MMS22L: variants seen among roughly 807,000 people sequenced by gnomAD.
MMS22L encodes the protein protein MMS22-like.
Under a neutral mutation model 159.1 loss-of-function variants are expected in MMS22L, and 74 were observed. That is an observed-to-expected ratio of 0.47 (90% CI 0.39 to 0.56). The LOEUF (loss-of-function observed/expected upper bound fraction) is 0.56. Ranked by LOEUF, MMS22L falls within the 20% of genes least tolerant of loss-of-function variation. The pLI is 0.00. For missense variants in MMS22L, 1,351 were observed against 1,422.1 expected, an observed-to-expected ratio of 0.95 and a Z score of 0.80; for synonymous variants, 517 against 506.9, an observed-to-expected ratio of 1.02 and a Z score of -0.27.
At chr6:97,244,158 T>C (rs1812381304) in intron 11 of MMS22L, among the ~76,000 whole-genome samples, 1 of 152,208 alleles carries the variant, frequency 6.6e-6, no homozygotes. Flanking sequence ...AGGGTTGTTC[T>C]GTTATGAGTT....
intron 14 of MMS22L, among the ~76,000 whole-genome samples, chr6:97,205,178 C>T (rs1235904736): frequency 3.3e-5 from 5 of 151,576 alleles, no homozygotes; most frequent in Non-Finnish European, 7.4e-5. Context: ...CTCCTGACCT[C>T]GTGATCTGCC....
intron 15 of MMS22L, among the ~76,000 whole-genome samples, chr6:97,184,170 G>A (rs1804993202): frequency 6.6e-6 from 1 of 151,996 alleles, no homozygotes; most frequent in East Asian, 1.9e-4. Context: ...AAACTGAGCT[G>A]TTGATCACTT....
At chr6:97,267,642 T>TAAA in intron 8 of MMS22L, 13 of 191,342 alleles carry the variant, frequency 6.8e-5, no homozygotes, top group Non-Finnish European at 1.1e-4. Flanking sequence ...CTATTTTTCT[T>TAAA]AAAAAAAAAA....
chr6:97,268,215 G>T (rs1331960290), intron 7 of MMS22L, among the ~76,000 whole-genome samples: 2 of 148,300 alleles, frequency 1.3e-5, no homozygotes, highest in African/African-American at 5.0e-5. Context: ...TTGAGGCGAG[G>T]TCTCTGTCAC....
At chr6:97,272,025 G>A (rs938919360) in intron 6 of MMS22L, 2 of 152,094 alleles carry the variant, frequency 1.3e-5, no homozygotes, top group African/African-American at 2.4e-5. Context: ...TATTCAAAAC[G>A]GTAAAGTCAA....
At chr6:97,206,323 GA>G (rs1225854040) in intron 14 of MMS22L, among the ~76,000 whole-genome samples, 301 of 121,106 alleles carry the variant, frequency 2.5e-3, no homozygotes, top group African/African-American at 4.6e-3. Flanking sequence ...ATTTAACAAG[GA>G]AAAAAAAAAA....
rs1800824492 is a variant in MMS22L, at chr6:97,144,807, TTATACA to T, written c.*1993_*1998del. The T allele has an allele frequency of 6.6e-6, 1 of 152,082 alleles. No individual in the cohort carries two copies. The highest frequency in any genetic ancestry group is 2.4e-5 in the African/African-American group (1 of 41,400). 9.4% of individuals were successfully genotyped at this position (152,082 alleles called of 1,614,324 possible). On this transcript the variant is annotated 3_prime_UTR_variant, in exon 25 of 25. Coordinates refer to ENST00000683635, the MANE Select transcript of MMS22L (RefSeq NM_001350599.2). ...AAAAAAAAGCTTTAAAAAAAGTTAC[TTATACA>T]TAAATACAAAACATATAATACACAC...
At chr6:97,197,429 C>A (rs1206471436) in intron 14 of MMS22L, among the ~76,000 whole-genome samples, 1 of 152,098 alleles carries the variant, frequency 6.6e-6, no homozygotes, top group Non-Finnish European at 1.5e-5. Context: ...ACCAGAGTAT[C>A]ACGTGGGTAG....
chr6:97,267,895 G>A lies in MMS22L; in HGVS notation c.805C>T (p.Leu269=). 1 of 1,607,194 alleles carries A rather than the reference G, an allele frequency of 6.2e-7. No individual in the cohort carries two copies. Among genetic ancestry groups the A allele is most frequent in the Non-Finnish European group, 8.5e-7 (1 of 1,177,992 alleles). Residue 269 remains leucine, a synonymous_variant, in exon 8 of 25, where the codon CTG becomes TTG. Coordinates refer to ENST00000683635, the MANE Select transcript of MMS22L (RefSeq NM_001350599.2). The part of the protein sequence containing the change: ...CETLLCDLIS[L]SLNRYDKVRS... ...ACCTTGTCGTACCTGTTGAGTGACA[G>A]GCTTATTAAATCACAAAGGAGAGTT...
intron 9 of MMS22L, chr6:97,258,567 T>C (rs772287829): frequency 6.6e-6 from 1 of 152,202 alleles, no homozygotes; most frequent in South Asian, 2.1e-4. Flanking sequence ...TTGCATACTA[T>C]AACAAATTCT....
chr6:97,212,411 T>C (rs990497380), intron 14 of MMS22L, among the ~76,000 whole-genome samples: 1 of 152,208 alleles, frequency 6.6e-6, no homozygotes, highest in Non-Finnish European at 1.5e-5. Context: ...ATACCTATCA[T>C]TGTACTGATT....
Position 97,165,474 on chromosome 6 carries a change from T to A in MMS22L, c.3010-17A>T. 1 of 1,590,040 alleles carries A rather than the reference T, an allele frequency of 6.3e-7. No individual in the cohort carries two copies. Among genetic ancestry groups the A allele is most frequent in the Non-Finnish European group, 8.6e-7 (1 of 1,162,900 alleles). ...ACACATGCCCTACAAGGAAAAAAAG[T>A]AAGAAATACTAAGAGGTAAAGTTTC... On this transcript the variant is annotated splice_polypyrimidine_tract_variant and intron_variant, in intron 20 of 24. Coordinates refer to ENST00000683635, the MANE Select transcript of MMS22L (RefSeq NM_001350599.2).
intron 14 of MMS22L, among the ~76,000 whole-genome samples, chr6:97,228,623 T>G (rs971251469): frequency 1.3e-5 from 2 of 152,166 alleles, no homozygotes; most frequent in Non-Finnish European, 2.9e-5. Flanking sequence ...CCTCAAAATA[T>G]CTCATTATGC....
intron 14 of MMS22L, among the ~76,000 whole-genome samples, chr6:97,209,653 G>A (rs899833104): frequency 5.3e-5 from 8 of 151,934 alleles, no homozygotes; most frequent in African/African-American, 1.9e-4. Context: ...CTATGACATA[G>A]TTATTATGTC....
At chr6:97,267,095 T>C in intron 8 of MMS22L, 1 of 152,312 alleles carries the variant, frequency 6.6e-6, no homozygotes, top group African/African-American at 2.4e-5. Context: ...GATAAATATG[T>C]ATAATTTTGT....
rs759405236 is a variant in MMS22L, at chr6:97,282,371, C to CCTCTG, written c.106_107insCAGAG (p.Arg36ThrfsTer23). ...TCCAGAAAAATGTTTTCCTCCTCCTCTGTTGTCAACAGCACAAGAAAAGTA... is the reference window on the plus strand; with the variant it reads ...TCCAGAAAAATGTTTTCCTCCTCCTCCTCTGTGTTGTCAACAGCACAAGAAAAGTA... On this transcript the variant is annotated frameshift_variant, in exon 2 of 25. Coordinates refer to ENST00000683635, the MANE Select transcript of MMS22L (RefSeq NM_001350599.2). LOFTEE classifies it high-confidence loss of function. 2 of 1,614,182 alleles carry CCTCTG rather than the reference C, an allele frequency of 1.2e-6. No homozygotes were observed. Among genetic ancestry groups the CCTCTG allele is most frequent in the East Asian group, 4.5e-5 (2 of 44,874 alleles).
At chr6:97,258,132 G>C (rs1014375398) in intron 9 of MMS22L, among the ~76,000 whole-genome samples, 11 of 152,274 alleles carry the variant, frequency 7.2e-5, no homozygotes, top group African/African-American at 2.6e-4. Flanking sequence ...AACAGCAATG[G>C]AGGCCAGTGG....
intron 11 of MMS22L, among the ~76,000 whole-genome samples, chr6:97,240,561 T>C (rs1811945134): frequency 6.6e-6 from 1 of 152,098 alleles, no homozygotes; most frequent in East Asian, 1.9e-4. Flanking sequence ...ATAAGTTCTT[T>C]AGTGGTGATT....
rs1417237031 is a variant in MMS22L at position 97,224,561 on chromosome 6, T to A, written c.2039+4333A>T. ...AATCATTTTTTCCAACTGACTCATTTAAAAAAAAAAAAAACTTACAAAATA... is the reference window on the plus strand; with the variant it reads ...AATCATTTTTTCCAACTGACTCATTAAAAAAAAAAAAAAACTTACAAAATA... On this transcript the variant is annotated intron_variant, in intron 14 of 24. Transcript: ENST00000683635. Among the ~76,000 whole-genome samples the A allele has an allele frequency of 3.5e-5, 5 of 141,188 alleles. No homozygotes were observed. In the East Asian group the frequency reaches 6.0e-4, roughly 17 times the overall value. The allele number at this position is 141,188 out of a possible 152,430, so 92.6% of individuals were successfully genotyped here. A position where few individuals can be genotyped will look rare whatever the true frequency, so the allele number is the denominator to read the frequency against.
Sources: allele counts gnomAD v4.1 joint callset (sites outside exome capture counted in the v4.1 genomes callset), GRCh38; gene constraint gnomAD v4.1.1; transcripts MANE v1.5; gene names NCBI Gene and HGNC (gene_info 2026-07-23, HGNC 2026-07-21).